SBF2: variants seen among roughly 807,000 people sequenced by gnomAD.
The protein encoded by SBF2 is myotubularin-related protein 13.
In SBF2, 112 loss-of-function variants were observed where a neutral mutation model predicts 225.2. The observed-to-expected ratio is 0.50, with a 90% CI of 0.43 to 0.58. The LOEUF (loss-of-function observed/expected upper bound fraction) is 0.58. Ranked by LOEUF, SBF2 falls within the 20% of genes least tolerant of loss-of-function variation. The pLI is 0.00. For missense variants in SBF2, 1,996 were observed against 2,206.2 expected, an observed-to-expected ratio of 0.90 and a Z score of 1.91; for synonymous variants, 763 against 773.3, an observed-to-expected ratio of 0.99 and a Z score of 0.22.
intron 38 of SBF2, among the ~76,000 whole-genome samples, chr11:9,783,493 T>C (rs193091913): frequency 1.3e-5 from 2 of 152,306 alleles, no homozygotes; most frequent in African/African-American, 4.8e-5. Context: ...GCCTCAAGGC[T>C]GAGTGGTCAG....
At chr11:10,179,395 AAC>A (rs1555065673) in intron 2 of SBF2, among the ~76,000 whole-genome samples, 10 of 151,040 alleles carry the variant, frequency 6.6e-5, no homozygotes, top group African/African-American at 1.2e-4. Flanking sequence ...AACAAAAAAA[AAC>A]AAAAACAAAA....
intron 16 of SBF2, chr11:9,959,186 G>A (rs1032796437): frequency 1.2e-6 from 1 of 800,450 alleles, no homozygotes; most frequent in East Asian, 2.4e-5. Flanking sequence ...CCTTCACAGG[G>A]TCCGATTTGG....
chr11:10,189,944 G>C (rs1424086635), intron 2 of SBF2, among the ~76,000 whole-genome samples: 1 of 152,124 alleles, frequency 6.6e-6, no homozygotes, highest in African/African-American at 2.4e-5. Context: ...CTGAGGTCAG[G>C]AGTTCGAGAC....
At chr11:10,128,099 C>T (rs1294187704) in intron 2 of SBF2, among the ~76,000 whole-genome samples, 1 of 152,156 alleles carries the variant, frequency 6.6e-6, no homozygotes, top group Non-Finnish European at 1.5e-5. Context: ...TGATGTTGAG[C>T]AAATTTCTGA....
At chr11:9,865,012 G>A (rs1468973858) in intron 17 of SBF2, among the ~76,000 whole-genome samples, 1 of 152,140 alleles carries the variant, frequency 6.6e-6, no homozygotes, top group Non-Finnish European at 1.5e-5. Context: ...TGGGGCTCAA[G>A]TGATCCTCCC....
chr11:9,882,946 G>C (rs1564952981), intron 17 of SBF2, among the ~76,000 whole-genome samples: 2 of 151,712 alleles, frequency 1.3e-5, no homozygotes, highest in African/African-American at 4.8e-5. Flanking sequence ...ACCTAAAATA[G>C]CTATCTATTA....
Position 10,294,110 on chromosome 11 carries a change from G to A in SBF2, c.-41C>T. The A allele has an allele frequency of 1.5e-6, 2 of 1,304,778 alleles. No homozygotes were observed. The highest frequency in any genetic ancestry group is 9.7e-7 in the Non-Finnish European group (1 of 1,025,798). The allele number at this position is 1,304,778 out of a possible 1,614,324, so 80.8% of individuals were successfully genotyped here. The stretch of plus-strand genomic sequence containing the variant: ...GCTCGGGAAGCGGGTCCCCGTCGCC[G>A]CCCTCGCCGCCGCCGCCCACCCGGC... On this transcript the variant is annotated 5_prime_UTR_variant, in exon 1 of 40. Coordinates refer to ENST00000256190, the MANE Select transcript of SBF2 (RefSeq NM_030962.4).
chr11:10,196,866 A>ATATTTTTTTTTTT, intron 1 of SBF2, among the ~76,000 whole-genome samples: 3 of 99,310 alleles, frequency 3.0e-5, no homozygotes, highest in Non-Finnish European at 5.9e-5. Context: ...ATATATATAT[A>ATATTTTTTTTTTT]TTTTTTTTTT....
intron 1 of SBF2, among the ~76,000 whole-genome samples, chr11:10,196,704 A>G (rs910484663): frequency 1.3e-5 from 2 of 151,756 alleles, no homozygotes; most frequent in Admixed American, 6.6e-5. Flanking sequence ...TACTAATTAT[A>G]AAAGTAATGT....
At chr11:10,072,734 C>CTT (rs912346358) in intron 2 of SBF2, among the ~76,000 whole-genome samples, 15 of 120,320 alleles carry the variant, frequency 1.2e-4, no homozygotes, top group Middle Eastern at 4.2e-3. Context: ...TTTTTTTTTT[C>CTT]TTTTTTTTTT....
intron 2 of SBF2, among the ~76,000 whole-genome samples, chr11:10,157,935 T>C (rs564356434): frequency 6.6e-6 from 1 of 152,250 alleles, no homozygotes; most frequent in East Asian, 1.9e-4. Context: ...TAGATCAAGT[T>C]AGGCCACAAA....
chr11:10,221,945 T>C (rs75662777), intron 1 of SBF2, among the ~76,000 whole-genome samples: 11,162 of 152,144 alleles, frequency 0.073, 595 homozygotes, highest in East Asian at 0.29. Flanking sequence ...TGCTGAAAAG[T>C]GAGAAACACA....
At position 10,058,141 on chromosome 11, in the gene SBF2, C is replaced by T. The variant is rs1416096972; in HGVS notation, c.142-15160G>A. ...TCCTCCAAATGACTGCACCAGTTCT[C>T]CAACAAGAGTTCTTAACTAGGCCAA... On this transcript the variant is annotated intron_variant, in intron 2 of 39. Transcript: ENST00000256190. Among the ~76,000 whole-genome samples, 3 of 152,274 alleles carry T rather than the reference C, an allele frequency of 2.0e-5. No homozygotes were observed. The East Asian group carries it at 5.8e-4, about 29-fold the overall frequency.
chr11:9,828,440 C>T (rs188630151), intron 28 of SBF2: 1 of 985,248 alleles, frequency 1.0e-6, no homozygotes, highest in Admixed American at 6.1e-5. Context: ...CAAGTGCAAT[C>T]AGAGAATTTA....
chr11:10,160,624 T>C (rs1458235651), intron 2 of SBF2, among the ~76,000 whole-genome samples: 2 of 152,208 alleles, frequency 1.3e-5, no homozygotes, highest in East Asian at 1.9e-4. Context: ...ATTTTGGAGA[T>C]TGTCCTTAAA....
intron 1 of SBF2, among the ~76,000 whole-genome samples, chr11:10,204,658 A>C (rs1372945005): frequency 2.6e-5 from 1 of 37,882 alleles, no homozygotes; most frequent in Non-Finnish European, 7.5e-5. Flanking sequence ...ACTCCATCTC[A>C]AAAAAAAAAA....
In SBF2 at chr11:9,993,908, T is replaced by C; in HGVS notation, c.1053+13A>G. On this transcript the variant is annotated intron_variant, in intron 10 of 39. Coordinates refer to ENST00000256190, the MANE Select transcript of SBF2 (RefSeq NM_030962.4). ...TCTTTAACAGCATTAAATTTAAATA[T>C]TAAACTTCTTACCAGCATTTTTGAG... 7.0e-7 allele frequency: 1 copy of C among 1,425,746 alleles called. No individual in the cohort carries two copies. The highest frequency in any genetic ancestry group is 9.9e-7 in the Non-Finnish European group (1 of 1,008,564). The allele number at this position is 1,425,746 out of a possible 1,614,324, so 88.3% of individuals were successfully genotyped here. A position where few individuals can be genotyped will look rare whatever the true frequency, so the allele number is the denominator to read the frequency against.
intron 13 of SBF2, among the ~76,000 whole-genome samples, chr11:9,981,041 T>TA (rs1946934423): frequency 6.6e-6 from 1 of 152,170 alleles, no homozygotes; most frequent in Non-Finnish European, 1.5e-5. Flanking sequence ...TGGAATAACA[T>TA]AAAGAAACAA....
intron 2 of SBF2, among the ~76,000 whole-genome samples, chr11:10,109,441 T>A (rs936594759): frequency 2.9e-4 from 44 of 152,198 alleles, no homozygotes; most frequent in African/African-American, 1.1e-3. Context: ...TTTGACAGTA[T>A]TATTTTTAGC....
Sources: gnomAD v4.1 joint callset for allele counts (sites outside exome capture counted in the v4.1 genomes callset) on GRCh38, gnomAD v4.1.1 for gene constraint, MANE v1.5 for transcripts, NCBI Gene and HGNC (gene_info 2026-07-23, HGNC 2026-07-21) for gene names.